C11orf65: variants seen among roughly 807,000 people sequenced by gnomAD.
The protein encoded by C11orf65 is chromosome 11 open reading frame 65.
Under a neutral mutation model 35.3 loss-of-function variants are expected in C11orf65, and 38 were observed. The ratio of observed to expected loss-of-function variants is 1.08; its 90% CI spans 0.83 to 1.41. The LOEUF (loss-of-function observed/expected upper bound fraction) is 1.41. Among genes scored for constraint, C11orf65 ranks in the 40% most tolerant of loss-of-function variants. The probability of loss-of-function intolerance (pLI) is 0.00; values close to 1 mark genes in which losing one functional copy is unlikely to be tolerated. For synonymous variants in C11orf65, 105 were observed against 114.4 expected (o/e 0.92, Z 0.53); for missense variants, 370 against 367.1 (o/e 1.01, Z -0.06).
At chr11:108,443,680 C>G (rs1325063260) in intron 2 of C11orf65, among the ~76,000 whole-genome samples, 1 of 152,076 alleles carries the variant, frequency 6.6e-6, no homozygotes, top group Non-Finnish European at 1.5e-5. Flanking sequence ...CAAAACCGCT[C>G]AACTACATGG....
In C11orf65 at chr11:108,430,848, AAAAT is replaced by A. The variant is rs566665091; in HGVS notation, c.174+894_174+897del. On this transcript the variant is annotated intron_variant, in intron 3 of 8. Coordinates refer to ENST00000393084, the MANE Select transcript of C11orf65 (RefSeq NM_152587.5). ...TGACAGAGTGAGACCCTGTCTTAAAAAAATAAATAAATAAAACAAAAAAAAACCC... is the reference window on the plus strand; with the variant it reads ...TGACAGAGTGAGACCCTGTCTTAAAAAAATAAATAAAACAAAAAAAAACCC... Among the ~76,000 whole-genome samples the A allele has an allele frequency of 3.3e-3, 496 of 151,562 alleles. 2 individuals are homozygous for A. Among genetic ancestry groups the A allele is most frequent in the African/African-American group, 0.011 (470 of 41,184 alleles).
In C11orf65 at chr11:108,331,995, A is replaced by G. The variant is rs1321640172; in HGVS notation, c.300-428T>C. On this transcript the variant is annotated intron_variant, in intron 3 of 3. Transcript: ENST00000524755. ...AACCAGAGGTAGCCAGAAGAAGCAGAATAACTAAAAATGTGCCTAAACAAA... is the reference window on the plus strand; with the variant it reads ...AACCAGAGGTAGCCAGAAGAAGCAGGATAACTAAAAATGTGCCTAAACAAA... 6.2e-7 allele frequency: 1 copy of G among 1,614,092 alleles called. No homozygotes were observed. The highest frequency in any genetic ancestry group is 2.2e-5 in the East Asian group (1 of 44,848).
At chr11:108,440,499 C>A (rs1018103546) in intron 2 of C11orf65, among the ~76,000 whole-genome samples, 3 of 152,134 alleles carry the variant, frequency 2.0e-5, no homozygotes, top group African/African-American at 7.2e-5. Flanking sequence ...TTCCTTATTA[C>A]ACTTATTGGG....
In C11orf65 at chr11:108,353,765, G is replaced by C. The variant is rs876660088; in HGVS notation, c.227-18473C>G. 6.3e-7 allele frequency: 1 copy of C among 1,598,408 alleles called. No homozygotes were observed. Among genetic ancestry groups the C allele is most frequent in the Non-Finnish European group, 8.6e-7 (1 of 1,165,756 alleles). Reference sequence around the variant, plus strand: ...TAACTTCACTGTATTCTTTACTTTAGGTGTTGCTTTTGAACAGGGCAAAAT... The same window carrying C: ...TAACTTCACTGTATTCTTTACTTTACGTGTTGCTTTTGAACAGGGCAAAAT... On this transcript the variant is annotated intron_variant, in intron 2 of 3. Coordinates refer to the C11orf65 transcript ENST00000524755.
chr11:108,326,802 C>G (rs146179504), downstream of C11orf65, among the ~76,000 whole-genome samples: 1 of 152,238 alleles, frequency 6.6e-6, no homozygotes, highest in African/African-American at 2.4e-5. Flanking sequence ...TAGTGAATAT[C>G]AGCTCACTGT....
intron 1 of C11orf65, among the ~76,000 whole-genome samples, chr11:108,463,720 G>T (rs1206492030): frequency 6.6e-6 from 1 of 152,096 alleles, no homozygotes; most frequent in East Asian, 1.9e-4. Context: ...AAAGCATTTA[G>T]TATAGTTTCT....
At chr11:108,316,880 C>T (rs1348236756) in intron 6 of C11orf65, among the ~76,000 whole-genome samples, 2 of 151,332 alleles carry the variant, frequency 1.3e-5, no homozygotes, top group African/African-American at 2.4e-5. Context: ...GAGCCGAGAT[C>T]GCGCCACTGC....
Position 108,383,125 on chromosome 11 carries a change from T to G in C11orf65, c.838A>C (p.Ile280Leu), listed in dbSNP as rs1307044676. The G allele has an allele frequency of 6.2e-7, 1 of 1,611,830 alleles. No homozygotes were observed. Among genetic ancestry groups the G allele is most frequent in the African/African-American group, 1.3e-5 (1 of 74,838 alleles). ...QKNIYNYGGD[I>L]SKMQMGIPDD... ...GGTATTCCCATTTGCATCTTTGATA[T>G]GTCTCCTCCATAGTTATATATGTTT... Residue 280 changes from isoleucine (I) to leucine (L), a missense_variant, in exon 9 of 9, where the codon ATA (isoleucine) becomes CTA (leucine). Physicochemically the swap from Ile to Leu is conservative, Grantham distance 5 (BLOSUM62 2). Transcript: ENST00000393084.
chr11:108,444,643 AG>A (rs2093220443), intron 2 of C11orf65, among the ~76,000 whole-genome samples: 1 of 152,188 alleles, frequency 6.6e-6, no homozygotes, highest in African/African-American at 2.4e-5. Context: ...ATGGCCGAAT[AG>A]GAACAGCTCC....
In C11orf65 at chr11:108,365,680, A is replaced by G. The variant is rs540238805; in HGVS notation, c.226+27528T>C. 5.9e-6 allele frequency: 5 copies of G among 843,928 alleles called. No individual in the cohort carries two copies. In the East Asian group the frequency reaches 1.1e-4, roughly 18 times the overall value. The allele number at this position is 843,928 out of a possible 1,614,324, so 52.3% of individuals were successfully genotyped here. On this transcript the variant is annotated intron_variant, in intron 2 of 3. Coordinates refer to the C11orf65 transcript ENST00000524755. The stretch of plus-strand genomic sequence containing the variant: ...TTAATCACCACTCAAAAATGTTTTG[A>G]TGGTCTTAAGGAACATCTCTGCTTT...
rs924063315 is a variant in C11orf65, at chr11:108,449,271, T to C, written c.81+12208A>G. 7.1e-4 allele frequency among the ~76,000 whole-genome samples: 108 copies of C among 151,934 alleles called. 3 individuals carry two copies. Among genetic ancestry groups the C allele is most frequent in the African/African-American group, 2.5e-3 (104 of 41,342 alleles). Reference sequence around the variant, plus strand: ...GCTACCAATGACTTTCTTCACAGAATTGGAAAAGACTACTTTAAGGTTCAT... The same window carrying C: ...GCTACCAATGACTTTCTTCACAGAACTGGAAAAGACTACTTTAAGGTTCAT... On this transcript the variant is annotated intron_variant, in intron 2 of 8. Transcript: ENST00000393084.
intron 2 of C11orf65, among the ~76,000 whole-genome samples, chr11:108,351,920 G>A (rs1367221035): frequency 6.6e-6 from 1 of 152,044 alleles, no homozygotes; most frequent in African/African-American, 2.4e-5. Flanking sequence ...ACATATCCGG[G>A]GAACCTGGAC....
chr11:108,422,881 CAA>C (rs769411381), intron 3 of C11orf65, among the ~76,000 whole-genome samples: 13 of 92,128 alleles, frequency 1.4e-4, no homozygotes, highest in Non-Finnish European at 1.3e-4. Flanking sequence ...GACTCTGTCT[CAA>C]AAAAAAAAAA....
intron 1 of C11orf65, 119 bp from the exon 2 acceptor site, chr11:108,461,687 G>T (rs2093475644): frequency 4.7e-6 from 3 of 634,282 alleles, no homozygotes; most frequent in East Asian, 6.4e-5. Flanking sequence ...GAGTGCAGTG[G>T]TGCGATGATA....
intron 2 of C11orf65, among the ~76,000 whole-genome samples, chr11:108,358,084 A>G (rs1032345598): frequency 6.7e-6 from 1 of 150,102 alleles, no homozygotes; most frequent in Non-Finnish European, 1.5e-5. Context: ...AATAACCAAT[A>G]CAGAGAAGTG....
At chr11:108,330,444 T>C, downstream of C11orf65, 1 of 1,611,784 alleles carries the variant, frequency 6.2e-7, no homozygotes, top group Non-Finnish European at 8.5e-7. Context: ...CAGCCCAATA[T>C]TCTACCCTGT....
intron 2 of C11orf65, among the ~76,000 whole-genome samples, chr11:108,357,201 C>T (rs969711058): frequency 7.2e-5 from 11 of 152,186 alleles, no homozygotes; most frequent in African/African-American, 2.2e-4. Flanking sequence ...CCTGGAAAAT[C>T]GGGTCACTCC....
At chr11:108,442,252 G>A (rs1369702488) in intron 2 of C11orf65, among the ~76,000 whole-genome samples, 1 of 152,124 alleles carries the variant, frequency 6.6e-6, no homozygotes, top group Non-Finnish European at 1.5e-5. Flanking sequence ...AGAATGAAAG[G>A]AAGCCAGAAG....
Position 108,343,496 on chromosome 11 carries a change from A to C in C11orf65, c.227-8204T>G, listed in dbSNP as rs557103049. 21 of 1,164,584 alleles carry C rather than the reference A, an allele frequency of 1.8e-5. No homozygotes were observed. The South Asian group carries it at 3.1e-4, about 17-fold the overall frequency. 72.1% of individuals were successfully genotyped at this position (1,164,584 alleles called of 1,614,324 possible). ...TCATCAGGTAATTGTCAAAGATACT[A>C]AGTAAAAGAAAAACTCATCAGAATG... is the stretch of plus-strand genomic sequence containing the variant. On this transcript the variant is annotated intron_variant, in intron 2 of 3. Transcript: ENST00000524755.
Sources: allele counts gnomAD v4.1 joint callset (sites outside exome capture counted in the v4.1 genomes callset), GRCh38; gene constraint gnomAD v4.1.1; transcripts MANE v1.5; gene names NCBI Gene and HGNC (gene_info 2026-07-23, HGNC 2026-07-21).